The following ERAP1 variants were observed in gnomAD, a reference collection of about 807,000 sequenced individuals.
ERAP1 encodes endoplasmic reticulum aminopeptidase 1.
ERAP1 carries 86 observed loss-of-function variants against 103.7 expected under a neutral mutation model. That is an observed-to-expected ratio of 0.83 (90% CI 0.70 to 0.99). The LOEUF (loss-of-function observed/expected upper bound fraction) is 0.99. ERAP1 is among the 50% of genes least tolerant of loss of function. The pLI is 0.00. For synonymous variants in ERAP1, 398 were observed against 402.4 expected, an observed-to-expected ratio of 0.99 and a Z score of 0.13; for missense variants, 1,009 against 1,128.4, an observed-to-expected ratio of 0.89 and a Z score of 1.52.
intron 7 of ERAP1, among the ~76,000 whole-genome samples, chr5:96,792,482 A>G (rs1347510631): frequency 6.6e-6 from 1 of 152,226 alleles, no homozygotes; most frequent in Non-Finnish European, 1.5e-5. Flanking sequence ...ATAGCCAAAC[A>G]GCAACACAAC....
rs1336398298 is a variant in ERAP1 at position 96,774,978 on chromosome 5, T to C, written c.*1418A>G. On this transcript the variant is annotated 3_prime_UTR_variant, in exon 19 of 19. Transcript: ENST00000443439. The stretch of plus-strand genomic sequence containing the variant: ...TTGCCTTATATTCAAAAAGTTCAGT[T>C]TGAATTCTCCTTTGCCAGGTGTGAG... 1 of 985,466 alleles carries C rather than the reference T, an allele frequency of 1.0e-6. No individual in the cohort carries two copies. The highest frequency in any genetic ancestry group is 1.2e-6 in the Non-Finnish European group (1 of 829,940). The allele number at this position is 985,466 out of a possible 1,614,324, so 61.0% of individuals were successfully genotyped here.
At chr5:96,809,390 C>G (rs1779011881), upstream of ERAP1, among the ~76,000 whole-genome samples, 1 of 152,168 alleles carries the variant, frequency 6.6e-6, no homozygotes, top group Admixed American at 6.5e-5. Context: ...GACCATGGTC[C>G]TAGTGGGAAC....
At chr5:96,807,430 T>C (rs916435142) in intron 1 of ERAP1, among the ~76,000 whole-genome samples, 2 of 152,306 alleles carry the variant, frequency 1.3e-5, no homozygotes, top group African/African-American at 4.8e-5. Context: ...CCCCGCCTTT[T>C]GGCCTCGCGC....
the ERAP1 span, among the ~76,000 whole-genome samples, chr5:96,833,802 A>G: frequency 1.3e-5 from 2 of 152,104 alleles, no homozygotes; most frequent in African/African-American, 2.4e-5. Flanking sequence ...GAAAAAAAAA[A>G]AAAAGAAAAG....
At chr5:96,794,003 CA>C in intron 5 of ERAP1, 46 bp from the exon 6 acceptor site, 2 of 1,594,564 alleles carry the variant, frequency 1.3e-6, no homozygotes, top group Non-Finnish European at 1.7e-6. Flanking sequence ...CTAAGCTATA[CA>C]TTCTCCCAAA....
At chr5:96,763,142 C>T in exon 20 of ERAP1, 2 of 780,250 alleles carry the variant, frequency 2.6e-6, no homozygotes, top group Admixed American at 3.4e-5. Context: ...TGCTTCCATT[C>T]CGTTTGATGT....
chr5:96,779,820 CT>C (rs1401684362), intron 18 of ERAP1, among the ~76,000 whole-genome samples: 5 of 152,216 alleles, frequency 3.3e-5, no homozygotes, highest in Non-Finnish European at 7.3e-5. Flanking sequence ...ATAACTCATA[CT>C]GATTCCTCAT....
At chr5:96,846,297 A>T in the ERAP1 span, among the ~76,000 whole-genome samples, 1 of 152,188 alleles carries the variant, frequency 6.6e-6, no homozygotes, top group Non-Finnish European at 1.5e-5. Context: ...TTTGAGAGCC[A>T]CTGCACTGGT....
intron 5 of ERAP1, among the ~76,000 whole-genome samples, chr5:96,794,387 G>T (rs1304382532): frequency 2.0e-5 from 3 of 151,782 alleles, no homozygotes; most frequent in African/African-American, 7.3e-5. Flanking sequence ...ACAGGGTTTT[G>T]CCATGTTGCC....
At chr5:96,767,995 CA>C in intron 19 of ERAP1, 3 of 1,599,664 alleles carry the variant, frequency 1.9e-6, no homozygotes, top group Non-Finnish European at 2.6e-6. Context: ...CAGAACACAG[CA>C]AAGGTACTGT....
At chr5:96,903,633 A>C in the ERAP1 span, 1 of 1,340,962 alleles carries the variant, frequency 7.5e-7, no homozygotes, top group Non-Finnish European at 1.0e-6. Context: ...TTCAATATTG[A>C]ATGTTCAACA....
At chr5:96,831,061 GA>G in the ERAP1 span, among the ~76,000 whole-genome samples, 395 of 152,304 alleles carry the variant, frequency 2.6e-3, 6 homozygotes, top group Admixed American at 0.022. Context: ...TATTTATAAA[GA>G]AAAATTGTTT....
At position 96,776,097 on chromosome 5, in the gene ERAP1, C is replaced by G. The variant is rs546937605; in HGVS notation, c.*299G>C. The G allele has an allele frequency of 1.5e-6, 2 of 1,320,416 alleles. No homozygotes were observed. Among genetic ancestry groups the G allele is most frequent in the Non-Finnish European group, 2.0e-6 (2 of 1,013,964 alleles). 81.8% of individuals were successfully genotyped at this position (1,320,416 alleles called of 1,614,324 possible). ...AACATGGGGTACAGGGTTTTGGACA[C>G]GGGTGCTTAAGCATAAACTATAAAA... On this transcript the variant is annotated 3_prime_UTR_variant, in exon 19 of 19. Transcript: ENST00000443439.
intron 18 of ERAP1, chr5:96,776,848 ATTCTG>A (rs3049851): frequency 0.14 from 47,849 of 336,588 alleles, 4,521 homozygotes; most frequent in Admixed American, 0.28. Flanking sequence ...TTAATGTGTT[ATTCTG>A]TTCTGTTCTC....
the ERAP1 span, among the ~76,000 whole-genome samples, chr5:96,884,503 A>G: frequency 6.6e-6 from 1 of 152,150 alleles, no homozygotes; most frequent in South Asian, 2.1e-4. Context: ...TAAGTTTCAC[A>G]AGTAATTCTT....
At chr5:96,786,100 C>A (rs1020385093) in intron 12 of ERAP1, 129 bp from the exon 13 acceptor site, 20 of 843,966 alleles carry the variant, frequency 2.4e-5, no homozygotes, top group Non-Finnish European at 5.7e-6. Flanking sequence ...TCACTTATTT[C>A]TCTCAGAAAC....
the ERAP1 span, among the ~76,000 whole-genome samples, chr5:96,835,701 ACATGAATAAATCCTT>A: frequency 6.6e-6 from 1 of 152,226 alleles, no homozygotes; most frequent in Non-Finnish European, 1.5e-5. Context: ...AGTTGTACAA[ACATGAATAAATCCTT>A]CAAAAAGCCA....
At chr5:96,810,570 T>C (rs897918689), upstream of ERAP1, among the ~76,000 whole-genome samples, 1 of 151,886 alleles carries the variant, frequency 6.6e-6, no homozygotes, top group Non-Finnish European at 1.5e-5. Flanking sequence ...CAAGGAGGGG[T>C]TGGTAAACAC....
At chr5:96,871,981 G>T in the ERAP1 span, among the ~76,000 whole-genome samples, 2 of 151,938 alleles carry the variant, frequency 1.3e-5, no homozygotes, top group Non-Finnish European at 2.9e-5. Context: ...TTTGCATAAG[G>T]CTCTGAGTCT....
Sources: allele counts gnomAD v4.1 joint callset (sites outside exome capture counted in the v4.1 genomes callset), GRCh38; gene constraint gnomAD v4.1.1; transcripts MANE v1.5; gene names NCBI Gene and HGNC (gene_info 2026-07-23, HGNC 2026-07-21).